The following KCNJ11 variants were observed in gnomAD, a reference collection of about 807,000 sequenced individuals.
KCNJ11 encodes the protein potassium inwardly rectifying channel subfamily J member 11.
A neutral mutation model predicts 17.3 loss-of-function variants in KCNJ11; 12 were observed. That is an observed-to-expected ratio of 0.69 (90% CI 0.44 to 1.12). KCNJ11 has a LOEUF of 1.12. KCNJ11 is among the 50% of genes most tolerant of loss of function. The pLI is 0.00. For synonymous variants in KCNJ11, 211 were observed against 223.4 expected, an observed-to-expected ratio of 0.94 and a Z score of 0.50; for missense variants, 386 against 554.1, an observed-to-expected ratio of 0.70 and a Z score of 3.05.
chr11:17,388,726 G>T, upstream of KCNJ11: 1 of 296,380 alleles, frequency 3.4e-6, no homozygotes. Context: ...TGGGCCTCCC[G>T]CTAAGAGCCC....
Position 17,386,907 on chromosome 11 carries a change from A to T in KCNJ11, c.*12T>A. ...TGTACACACGCGTGTGGGGGGCCCG[A>T]GAGACCATGGCTCAGGACAGGGAAT... is the stretch of plus-strand genomic sequence containing the variant. On this transcript the variant is annotated 3_prime_UTR_variant, in exon 1 of 1. Coordinates refer to ENST00000339994, the MANE Select transcript of KCNJ11 (RefSeq NM_000525.4). The T allele has an allele frequency of 6.2e-7, 1 of 1,608,504 alleles. No homozygotes were observed. Among genetic ancestry groups the T allele is most frequent in the Non-Finnish European group, 8.5e-7 (1 of 1,177,170 alleles).
In KCNJ11 at chr11:17,386,989, A is replaced by G. The variant is rs1953568729; in HGVS notation, c.1103T>C (p.Leu368Pro). The G allele has an allele frequency of 6.2e-7, 1 of 1,613,722 alleles. No homozygotes were observed. Among genetic ancestry groups the G allele is most frequent in the East Asian group, 2.2e-5 (1 of 44,856 alleles). Residue 368 changes from leucine (L) to proline (P), a missense_variant, in exon 1 of 1, where the codon CTG (leucine) becomes CCG (proline). Leu to Pro is a moderately conservative substitution (Grantham distance 98, BLOSUM62 -3). Coordinates refer to ENST00000339994, the MANE Select transcript of KCNJ11 (RefSeq NM_000525.4). ...GGCCATGGGCACGCTGCGCTTGCGC[A>G]GGGGCCCGCGGGCTGAGGCGAGGGT... Reference protein sequence around the residue: ...ALTLASARGPLRKRSVPMAKA... With the variant: ...ALTLASARGPPRKRSVPMAKA...
chr11:17,386,631 C>T lies in KCNJ11; in HGVS notation c.*288G>A, dbSNP rs5209. ...TCGTGGGGACCCAGGACTGGCTGGA[C>T]GCACAGCTCTAGGGCCCAGTACCTC... On this transcript the variant is annotated 3_prime_UTR_variant, in exon 1 of 1. Coordinates refer to ENST00000339994, the MANE Select transcript of KCNJ11 (RefSeq NM_000525.4). 2.6e-3 allele frequency: 1,025 copies of T among 389,258 alleles called. 10 individuals carry two copies. The highest frequency in any genetic ancestry group is 0.019 in the African/African-American group (945 of 50,198). 24.1% of individuals were successfully genotyped at this position (389,258 alleles called of 1,614,324 possible). A position where few individuals can be genotyped will look rare whatever the true frequency, so the allele number is the denominator to read the frequency against.
upstream of KCNJ11, chr11:17,388,747 C>T (rs953188545): frequency 4.5e-6 from 2 of 441,640 alleles, no homozygotes; most frequent in Non-Finnish European, 9.3e-6. Context: ...TTCTCCCCGC[C>T]CAGCCTGCCT....
At chr11:17,388,981 G>A, upstream of KCNJ11, 2 of 398,422 alleles carry the variant, frequency 5.0e-6, no homozygotes, top group Admixed American at 2.6e-5. Flanking sequence ...TCCAGCTCTC[G>A]TCCTCTCTGT....
rs1953543921 is a variant in KCNJ11 at position 17,385,540 on chromosome 11, T to A, written c.*1379A>T. 6.6e-6 allele frequency among the ~76,000 whole-genome samples: 1 copy of A among 152,234 alleles called. No homozygotes were observed. The highest frequency in any genetic ancestry group is 1.5e-5 in the Non-Finnish European group (1 of 68,030). On this transcript the variant is annotated 3_prime_UTR_variant, in exon 1 of 1. Coordinates refer to ENST00000339994, the MANE Select transcript of KCNJ11 (RefSeq NM_000525.4). ...GCTCCAATTACTACACTAATGCCTATGACACCTCTATACCTCTCCCTGGGC... is the reference window on the plus strand; with the variant it reads ...GCTCCAATTACTACACTAATGCCTAAGACACCTCTATACCTCTCCCTGGGC...
chr11:17,385,570 C>G lies in KCNJ11; in HGVS notation c.*1349G>C, dbSNP rs915244564. On this transcript the variant is annotated 3_prime_UTR_variant, in exon 1 of 1. Transcript: ENST00000339994. ...CCTCTATACCTCTCCCTGGGCACTC[C>G]AGCCTTCCAGCAGGTCCCTGGGAGT... is the stretch of plus-strand genomic sequence containing the variant. Among the ~76,000 whole-genome samples the G allele has an allele frequency of 1.3e-5, 2 of 152,232 alleles. No homozygotes were observed. Among genetic ancestry groups the G allele is most frequent in the South Asian group, 2.1e-4 (1 of 4,836 alleles).
chr11:17,387,982 G>A lies in KCNJ11; in HGVS notation c.110C>T (p.Ser37Phe). The change falls in exon 1 of 1, where the codon TCC (serine) becomes TTC (phenylalanine). Residue 37 changes from serine (S) to phenylalanine (F), a missense_variant. By Grantham distance (155) the Ser-to-Phe change is radical. Transcript: ENST00000339994. ...GGCCACGTTGCAGTTGCCTTTCTTG[G>A]ACACAAAGCGGGCCCTCCGCTGGCG... ...RARQRRARFV[S>F]KKGNCNVAHK... 6.2e-7 allele frequency: 1 copy of A among 1,613,736 alleles called. No individual in the cohort carries two copies. Among genetic ancestry groups the A allele is most frequent in the South Asian group, 1.1e-5 (1 of 91,080 alleles).
rs370047076 is a variant in KCNJ11 at position 17,386,890 on chromosome 11, C to G, written c.*29G>C. ...ATACCACATGGTCCGTGTGTACACA[C>G]GCGTGTGGGGGGCCCGAGAGACCAT... On this transcript the variant is annotated 3_prime_UTR_variant, in exon 1 of 1. Coordinates refer to ENST00000339994, the MANE Select transcript of KCNJ11 (RefSeq NM_000525.4). 1.9e-6 allele frequency: 3 copies of G among 1,592,626 alleles called. No homozygotes were observed. The highest frequency in any genetic ancestry group is 1.3e-5 in the African/African-American group (1 of 74,602).
At position 17,386,835 on chromosome 11, in the gene KCNJ11, C is replaced by T. The variant is rs1591694216; in HGVS notation, c.*84G>A. 7.8e-7 allele frequency: 1 copy of T among 1,285,926 alleles called. No individual in the cohort carries two copies. Among genetic ancestry groups the T allele is most frequent in the Non-Finnish European group, 1.1e-6 (1 of 928,930 alleles). The allele number at this position is 1,285,926 out of a possible 1,614,324, so 79.7% of individuals were successfully genotyped here. A position where few individuals can be genotyped will look rare whatever the true frequency, so the allele number is the denominator to read the frequency against. ...GGGGGAGGCTGAGCTGAGGCTGGCC[C>T]AGCCTCACACCAGGCCCTGGCCGGG... On this transcript the variant is annotated 3_prime_UTR_variant, in exon 1 of 1. Coordinates refer to ENST00000339994, the MANE Select transcript of KCNJ11 (RefSeq NM_000525.4).
At position 17,388,189 on chromosome 11, in the gene KCNJ11, T is replaced by A; in HGVS notation, c.-98A>T. On this transcript the variant is annotated 5_prime_UTR_variant, in exon 1 of 1. Transcript: ENST00000339994. Reference sequence around the variant, plus strand: ...CAGAGTCCTCTCGGTGGGCACCTTCTCACCCTGGGGCTGCACTCAGCCTGT... The same window carrying A: ...CAGAGTCCTCTCGGTGGGCACCTTCACACCCTGGGGCTGCACTCAGCCTGT... 9.4e-7 allele frequency: 1 copy of A among 1,060,564 alleles called. No individual in the cohort carries two copies. The allele number at this position is 1,060,564 out of a possible 1,614,324, so 65.7% of individuals were successfully genotyped here. A position where few individuals can be genotyped will look rare whatever the true frequency, so the allele number is the denominator to read the frequency against.
chr11:17,387,728 G>A lies in KCNJ11; in HGVS notation c.364C>T (p.Leu122Phe). 6.2e-7 allele frequency: 1 copy of A among 1,614,150 alleles called. No homozygotes were observed. The highest frequency in any genetic ancestry group is 8.5e-7 in the Non-Finnish European group (1 of 1,180,036). Residue 122 changes from leucine to phenylalanine, a missense_variant, in exon 1 of 1, where the codon CTT becomes TTT. Physicochemically the swap from Leu to Phe is conservative, Grantham distance 22 (BLOSUM62 0). Transcript: ENST00000339994. ...GTCACTTGGACCTCAATGGAGAAAA[G>A]GAAGGCAGACGAGAAGGAGTGGATG... ...TSIHSFSSAF[L>F]FSIEVQVTIG...
In KCNJ11 at chr11:17,387,782, C is replaced by T. The variant is rs145429555; in HGVS notation, c.310G>A (p.Glu104Lys). 2.3e-5 allele frequency: 37 copies of T among 1,613,988 alleles called. No individual in the cohort carries two copies. Among genetic ancestry groups the T allele is most frequent in the Admixed American group, 5.0e-5 (3 of 60,004 alleles). The stretch of plus-strand genomic sequence containing the variant: ...GTGACACAGGGCTCAGCAGTGCCCT[C>T]GCTGGGGGCCAGGTCACCGTGGGCG... ...AFAHGDLAPS[E>K]GTAEPCVTSI... Residue 104 changes from glutamate to lysine, a missense_variant, in exon 1 of 1, where the codon GAG becomes AAG. Glu to Lys is a moderately conservative substitution (Grantham distance 56, BLOSUM62 1). Coordinates refer to ENST00000339994, the MANE Select transcript of KCNJ11 (RefSeq NM_000525.4).
At chr11:17,388,918 C>T (rs1340107122), upstream of KCNJ11, 4 of 452,682 alleles carry the variant, frequency 8.8e-6, no homozygotes, top group Non-Finnish European at 1.3e-5. Context: ...GGTGCGCCCC[C>T]TATGTCCTAC....
rs764950479 is a variant in KCNJ11 at position 17,387,264 on chromosome 11, G to T, written c.828C>A (p.His276Gln). Residue 276 changes from histidine to glutamine, a missense_variant, in exon 1 of 1, where the codon CAC (histidine) becomes CAA (glutamine). By Grantham distance (24) the His-to-Gln change is conservative (BLOSUM62 0). Coordinates refer to ENST00000339994, the MANE Select transcript of KCNJ11 (RefSeq NM_000525.4). ...CGATGATCTCGAGGTCCTGGTGGTG[G>T]TGCAGGTCGCTGGGTGCCAGGTCGT... ...PLYDLAPSDL[H>Q]HHQDLEIIVI... is the part of the protein sequence containing the mutation. 6.2e-7 allele frequency: 1 copy of T among 1,614,194 alleles called. No individual in the cohort carries two copies. Among genetic ancestry groups the T allele is most frequent in the Non-Finnish European group, 8.5e-7 (1 of 1,180,008 alleles).
In KCNJ11 at chr11:17,387,329, G is replaced by A. The variant is rs1953577938; in HGVS notation, c.763C>T (p.Leu255=). 2 of 1,614,068 alleles carry A rather than the reference G, an allele frequency of 1.2e-6. No homozygotes were observed. Among genetic ancestry groups the A allele is most frequent in the Admixed American group, 1.7e-5 (1 of 60,012 alleles). The change falls in exon 1 of 1, where the codon CTG becomes TTG. Residue 255 remains leucine (L), a synonymous_variant. Transcript: ENST00000339994. The part of the protein sequence containing the change: ...GGNSIFLVAP[L]IIYHVIDANS... ...GCATCAATGACATGGTAGATGATCA[G>A]CGGGGCCACCAGGAAGATGCTGTTG...
In KCNJ11 at chr11:17,388,606, C is replaced by T. The variant is rs886048044; in HGVS notation, c.-515G>A. On this transcript the variant is annotated 5_prime_UTR_variant, in exon 1 of 1. Transcript: ENST00000339994. ...AAAACAAAAAACAAAACAAAAAAAA[C>T]AGCCTCACCCTTGAGCCCACCTGCC... 2 of 312,198 alleles carry T rather than the reference C, an allele frequency of 6.4e-6. No homozygotes were observed. The highest frequency in any genetic ancestry group is 1.3e-5 in the Non-Finnish European group (2 of 149,160). 19.3% of individuals were successfully genotyped at this position (312,198 alleles called of 1,614,324 possible).
rs1953560591 is a variant in KCNJ11, at chr11:17,386,640, C to G, written c.*279G>C. On this transcript the variant is annotated 3_prime_UTR_variant, in exon 1 of 1. Coordinates refer to ENST00000339994, the MANE Select transcript of KCNJ11 (RefSeq NM_000525.4). ...CCCAGGACTGGCTGGACGCACAGCTCTAGGGCCCAGTACCTCCCACAGCCT... is the reference window on the plus strand; with the variant it reads ...CCCAGGACTGGCTGGACGCACAGCTGTAGGGCCCAGTACCTCCCACAGCCT... 2.2e-6 allele frequency: 1 copy of G among 461,758 alleles called. No individual in the cohort carries two copies. Among genetic ancestry groups the G allele is most frequent in the Non-Finnish European group, 3.9e-6 (1 of 255,632 alleles). The allele number at this position is 461,758 out of a possible 1,614,324, so 28.6% of individuals were successfully genotyped here.
chr11:17,387,919 T>G lies in KCNJ11; in HGVS notation c.173A>C (p.Asp58Ala). Reference sequence around the variant, plus strand: ...GAGGTCCACCAGCGTGGTGAACACGTCCTGCAGGAAGCGGCCCTGCTCCCG... The same window carrying G: ...GAGGTCCACCAGCGTGGTGAACACGGCCTGCAGGAAGCGGCCCTGCTCCCG... ...NIREQGRFLQ[D>A]VFTTLVDLKW... The change falls in exon 1 of 1, where the codon GAC becomes GCC. Residue 58 changes from aspartate to alanine, a missense_variant. Asp to Ala is a moderately radical substitution (Grantham distance 126). Transcript: ENST00000339994. 6.2e-7 allele frequency: 1 copy of G among 1,610,066 alleles called. No individual in the cohort carries two copies. Among genetic ancestry groups the G allele is most frequent in the Non-Finnish European group, 8.5e-7 (1 of 1,176,578 alleles).
Sources: gnomAD v4.1 joint callset for allele counts (sites outside exome capture counted in the v4.1 genomes callset) on GRCh38, gnomAD v4.1.1 for gene constraint, MANE v1.5 for transcripts, NCBI Gene and HGNC (gene_info 2026-07-23, HGNC 2026-07-21) for gene names.